HAUS5: variants seen among roughly 807,000 people sequenced by gnomAD.
HAUS5 encodes HAUS augmin like complex subunit 5.
In HAUS5, 67 loss-of-function variants were observed where a neutral mutation model predicts 94.1. The observed-to-expected ratio is 0.71, with a 90% CI of 0.58 to 0.87. The LOEUF is 0.87. HAUS5 is among the 40% of genes least tolerant of loss of function. The pLI is 0.00. For synonymous variants in HAUS5, 339 were observed against 355.4 expected (o/e 0.95, Z 0.52); for missense variants, 739 against 825.6 (o/e 0.90, Z 1.29).
Position 35,618,610 on chromosome 19 carries a change from C to T in HAUS5, c.927C>T (p.Ser309=). The change falls in exon 12 of 19, where the codon AGC becomes AGT. Residue 309 remains serine, a synonymous_variant. Transcript: ENST00000203166. Reference sequence around the variant, plus strand: ...TGGGTGTGCTGGTCTCCCAGCGGAGCACCCTCCTGAAGGAGCGGCAAGTCT... The same window carrying T: ...TGGGTGTGCTGGTCTCCCAGCGGAGTACCCTCCTGAAGGAGCGGCAAGTCT... ...RTVGVLVSQR[S]TLLKERQVLT... 1 of 1,607,220 alleles carries T rather than the reference C, an allele frequency of 6.2e-7. No individual in the cohort carries two copies. The highest frequency in any genetic ancestry group is 8.5e-7 in the Non-Finnish European group (1 of 1,174,826).
At chr19:35,616,883 T>C (rs992864273) in intron 6 of HAUS5, among the ~76,000 whole-genome samples, 1 of 152,178 alleles carries the variant, frequency 6.6e-6, no homozygotes, top group Non-Finnish European at 1.5e-5. Flanking sequence ...AGGGACATGA[T>C]CTTCCTACAG....
rs2071930309 is a variant in HAUS5, at chr19:35,615,129, C to T, written c.307C>T (p.Arg103Ter). Reference protein sequence around the residue: ...ELDQSLELMERDTEAQDTAME... With the variant: ...ELDQSLELME ...CGACCAGAGCCTGGAGCTGATGGAG[C>T]GAGACACTGAGGCTCAGGGTGAGCC... The change falls in exon 5 of 19, where the codon CGA becomes TGA. Residue 103 changes from arginine to a stop codon, truncating the protein, a stop_gained. Transcript: ENST00000203166. LOFTEE classifies it high-confidence loss of function. The T allele has an allele frequency of 1.9e-6, 3 of 1,609,678 alleles. No homozygotes were observed. The highest frequency in any genetic ancestry group is 1.7e-4 in the Middle Eastern group (1 of 6,056).
rs201392523 is a variant in HAUS5, at chr19:35,622,725, G to T, written c.1776G>T (p.Val592=). Residue 592 remains valine (V), a synonymous_variant, in exon 18 of 19, where the codon GTG becomes GTT. Transcript: ENST00000203166. ...LERIPELQGI[V]GDWWEQPGQA... ...GAATCCCTGAGCTGCAGGGGATCGT[G>T]GGGGACTGGTGAGAGGGGAACGTGC... 4.8e-4 allele frequency: 773 copies of T among 1,613,954 alleles called. 4 individuals carry two copies. In the African/African-American group the frequency reaches 9.1e-3, roughly 19 times the overall value.
chr19:35,614,172 G>A, intron 4 of HAUS5, 113 bp downstream of exon 4: 1 of 934,624 alleles, frequency 1.1e-6, no homozygotes, highest in South Asian at 1.3e-5. Flanking sequence ...TCACAAGACA[G>A]CCTTGATCTC....
chr19:35,620,915 C>T (rs773084114), intron 17 of HAUS5, among the ~76,000 whole-genome samples: 21 of 152,100 alleles, frequency 1.4e-4, no homozygotes, highest in Non-Finnish European at 7.4e-5. Context: ...GGAGTCATGA[C>T]GATGAGGAAA....
intron 6 of HAUS5, among the ~76,000 whole-genome samples, chr19:35,615,972 T>C (rs2071939275): frequency 6.6e-6 from 1 of 152,142 alleles, no homozygotes; most frequent in South Asian, 2.1e-4. Context: ...GGATGATGTG[T>C]TGCGATTTTA....
chr19:35,615,254 A>G lies in HAUS5; in HGVS notation c.353A>G (p.His118Arg). 6.2e-7 allele frequency: 1 copy of G among 1,614,094 alleles called. No homozygotes were observed. The highest frequency in any genetic ancestry group is 8.5e-7 in the Non-Finnish European group (1 of 1,180,016). The change falls in exon 6 of 19, where the codon CAC becomes CGC. Residue 118 changes from histidine to arginine, a missense_variant. By Grantham distance (29) the His-to-Arg change is conservative. Transcript: ENST00000203166. ...ACGGCCATGGAGCAGGCACGTCAGC[A>G]CACTCAAGACACCCAGCGTCGAGCT... ...QDTAMEQARQHTQDTQRRALL... is the reference protein window; with the variant it reads ...QDTAMEQARQRTQDTQRRALL...
At chr19:35,617,976 C>G in intron 9 of HAUS5, 64 bp downstream of exon 9, 1 of 1,606,248 alleles carries the variant, frequency 6.2e-7, no homozygotes, top group Non-Finnish European at 8.5e-7. Flanking sequence ...CTTAGGGTGC[C>G]AGGACCTAAC....
intron 12 of HAUS5, 47 bp downstream of exon 12, chr19:35,618,746 G>C: frequency 6.5e-7 from 1 of 1,544,454 alleles, no homozygotes; most frequent in Non-Finnish European, 8.7e-7. Flanking sequence ...TCGCTTCTGA[G>C]TGTCTCAGCC....
intron 4 of HAUS5, chr19:35,614,289 C>T (rs1290756796): frequency 1.7e-6 from 1 of 592,606 alleles, no homozygotes; most frequent in Admixed American, 2.8e-5. Context: ...GAGGCCTCAT[C>T]TCAGGTGATG....
At chr19:35,614,550 C>T (rs1177638142) in intron 4 of HAUS5, among the ~76,000 whole-genome samples, 2 of 152,146 alleles carry the variant, frequency 1.3e-5, no homozygotes, top group Non-Finnish European at 2.9e-5. Context: ...CACTACTGCA[C>T]TCCAGCCTGG....
At chr19:35,622,512 C>T in intron 17 of HAUS5, 89 bp from the exon 18 acceptor site, 1 of 1,391,994 alleles carries the variant, frequency 7.2e-7, no homozygotes, top group Non-Finnish European at 9.9e-7. Context: ...GAGGTCAAGA[C>T]TAGGGGACTG....
intron 13 of HAUS5, 126 bp downstream of exon 13, chr19:35,619,175 G>A (rs917624595): frequency 1.9e-6 from 2 of 1,031,034 alleles, no homozygotes; most frequent in Admixed American, 2.9e-5. Context: ...GGAGGCTGAG[G>A]TGGGAGGATC....
At chr19:35,622,276 C>T (rs1967220287) in intron 17 of HAUS5, among the ~76,000 whole-genome samples, 2 of 151,762 alleles carry the variant, frequency 1.3e-5, no homozygotes, top group South Asian at 4.2e-4. Flanking sequence ...GAGGAAGAAA[C>T]GCTCAGGAGA....
rs562921437 is a variant in HAUS5 at position 35,615,975 on chromosome 19, C to T, written c.485+589C>T. 1.3e-4 allele frequency among the ~76,000 whole-genome samples: 20 copies of T among 152,210 alleles called. No individual in the cohort carries two copies. In the South Asian group the frequency reaches 1.9e-3, roughly 14 times the overall value. ...ACAGAGAACTGTGGATGATGTGTTG[C>T]GATTTTACCCTGACACTGGTTCATG... On this transcript the variant is annotated intron_variant, in intron 6 of 18. Transcript: ENST00000203166.
chr19:35,615,060 C>T lies in HAUS5; in HGVS notation c.238C>T (p.Leu80=). ...DSPQVRRKLE[L]EAAVTRLRAE... ...CTCCCAGGTCCGTCGGAAGTTAGAG[C>T]TGGAAGCTGCTGTGACCCGCCTGCG... Residue 80 remains leucine (L), a synonymous_variant, in exon 5 of 19, where the codon CTG becomes TTG. Transcript: ENST00000203166. The T allele has an allele frequency of 1.3e-6, 2 of 1,598,762 alleles. No individual in the cohort carries two copies. Among genetic ancestry groups the T allele is most frequent in the Non-Finnish European group, 1.7e-6 (2 of 1,172,664 alleles).
In HAUS5 at chr19:35,620,200, G is replaced by A. The variant is rs755496760; in HGVS notation, c.1524G>A (p.Ser508=). ...HKLGLPPGKA[S]ELLLPAAASL... ...GTCCTTCCCTCCTCCTCCAGGCCTC[G>A]GAGCTGCTCCTGCCGGCGGCTGCCT... The change falls in exon 17 of 19, where the codon TCG becomes TCA. Residue 508 remains serine (S), a synonymous_variant. Coordinates refer to ENST00000203166, the MANE Select transcript of HAUS5 (RefSeq NM_015302.2). 1.2e-5 allele frequency: 20 copies of A among 1,613,524 alleles called. 1 individual carries two copies. Among genetic ancestry groups the A allele is most frequent in the East Asian group, 6.7e-5 (3 of 44,888 alleles).
intron 17 of HAUS5, among the ~76,000 whole-genome samples, chr19:35,622,338 G>T (rs996434492): frequency 6.6e-6 from 1 of 151,434 alleles, no homozygotes; most frequent in Non-Finnish European, 1.5e-5. Flanking sequence ...AGGGAGGAAG[G>T]CATCCAGAAG....
chr19:35,621,657 C>T (rs560438842), intron 17 of HAUS5, among the ~76,000 whole-genome samples: 1 of 152,286 alleles, frequency 6.6e-6, no homozygotes, highest in South Asian at 2.1e-4. Context: ...AAGTGCTGCA[C>T]CCAGAAACCC....
Sources: allele counts gnomAD v4.1 joint callset (sites outside exome capture counted in the v4.1 genomes callset), GRCh38; gene constraint gnomAD v4.1.1; transcripts MANE v1.5; gene names NCBI Gene and HGNC (gene_info 2026-07-23, HGNC 2026-07-21).